The following SCLT1 variants were observed in gnomAD, a reference collection of about 807,000 sequenced individuals.
The protein encoded by SCLT1 is sodium channel and clathrin linker 1, also known as sodium channel-associated protein 1.
Under a neutral mutation model 112.8 loss-of-function variants are expected in SCLT1, and 78 were observed. That is an observed-to-expected ratio of 0.69 (90% CI 0.58 to 0.83). The LOEUF (loss-of-function observed/expected upper bound fraction) is 0.83. SCLT1 is among the 40% of genes least tolerant of loss of function. The pLI is 0.00. For synonymous variants in SCLT1, 257 were observed against 254.7 expected (o/e 1.01, Z -0.09); for missense variants, 747 against 770.4 (o/e 0.97, Z 0.36).
At chr4:128,973,228 C>G (rs988346867) in intron 9 of SCLT1, among the ~76,000 whole-genome samples, 13 of 152,018 alleles carry the variant, frequency 8.6e-5, no homozygotes, top group Non-Finnish European at 1.8e-4. Context: ...ATTAATTGAA[C>G]ACACTGTATT....
At chr4:129,023,158 G>C (rs912891851) in intron 5 of SCLT1, among the ~76,000 whole-genome samples, 1 of 152,134 alleles carries the variant, frequency 6.6e-6, no homozygotes, top group Non-Finnish European at 1.5e-5. Context: ...ACTAAATATG[G>C]AAAGGAAAAA....
intron 9 of SCLT1, among the ~76,000 whole-genome samples, chr4:128,981,953 A>G (rs1741696416): frequency 6.6e-6 from 1 of 152,166 alleles, no homozygotes; most frequent in Non-Finnish European, 1.5e-5. Flanking sequence ...TCACTTTGAT[A>G]ACAGTATGAG....
intron 18 of SCLT1, among the ~76,000 whole-genome samples, chr4:128,899,516 G>A (rs1403510165): frequency 6.6e-6 from 1 of 152,098 alleles, no homozygotes; most frequent in East Asian, 1.9e-4. Context: ...GTATTAATGG[G>A]ACGTATCTCA....
In SCLT1 at chr4:128,901,784, A is replaced by G. The variant is rs560677956; in HGVS notation, c.1830-10647T>C. On this transcript the variant is annotated intron_variant, in intron 18 of 20. Coordinates refer to ENST00000281142, the MANE Select transcript of SCLT1 (RefSeq NM_144643.4). ...TTACACATCAAATCTCTATGATATT[A>G]AATACTTATTTTATGTATAAGAGAT... Among the ~76,000 whole-genome samples, 10 of 152,306 alleles carry G rather than the reference A, an allele frequency of 6.6e-5. No individual in the cohort carries two copies. In the East Asian group the frequency reaches 1.9e-3, roughly 29 times the overall value.
chr4:129,085,466 A>T (rs1012405655), intron 1 of SCLT1, among the ~76,000 whole-genome samples: 5 of 152,280 alleles, frequency 3.3e-5, no homozygotes, highest in South Asian at 4.1e-4. Context: ...GATTCCTCAA[A>T]CACCTAAAGA....
chr4:128,978,554 A>T (rs538349652), intron 9 of SCLT1, among the ~76,000 whole-genome samples: 52 of 152,234 alleles, frequency 3.4e-4, no homozygotes, highest in South Asian at 2.3e-3. Flanking sequence ...TCAGTTAAGG[A>T]AAATCAACAA....
intron 5 of SCLT1, among the ~76,000 whole-genome samples, chr4:129,014,971 T>C (rs1313027562): frequency 1.3e-5 from 2 of 151,322 alleles, no homozygotes; most frequent in African/African-American, 4.9e-5. Flanking sequence ...GGAGGGGCAC[T>C]GGTAGGCACA....
chr4:128,941,828 T>C (rs1579445572), intron 17 of SCLT1, among the ~76,000 whole-genome samples: 1 of 152,110 alleles, frequency 6.6e-6, no homozygotes, highest in Non-Finnish European at 1.5e-5. Context: ...AATTTGCATA[T>C]ATGCTGTGAT....
intron 18 of SCLT1, among the ~76,000 whole-genome samples, chr4:128,932,068 C>A (rs183541765): frequency 1.8e-4 from 27 of 151,704 alleles, no homozygotes; most frequent in Non-Finnish European, 3.2e-4. Context: ...TAATCTTTAG[C>A]ATTTGCCATA....
At chr4:129,028,828 C>T (rs1339291403) in intron 5 of SCLT1, among the ~76,000 whole-genome samples, 2 of 150,854 alleles carry the variant, frequency 1.3e-5, no homozygotes, top group Non-Finnish European at 3.0e-5. Context: ...AACAAATTTA[C>T]AACAAAAAAA....
intron 6 of SCLT1, among the ~76,000 whole-genome samples, chr4:129,000,113 TGAA>T (rs1353148730): frequency 6.6e-6 from 1 of 151,866 alleles, no homozygotes; most frequent in Non-Finnish European, 1.5e-5. Flanking sequence ...TAGAAACTGA[TGAA>T]GAAGAAAACT....
intron 20 of SCLT1, among the ~76,000 whole-genome samples, chr4:128,885,157 G>T (rs1207782630): frequency 6.6e-6 from 1 of 152,082 alleles, no homozygotes; most frequent in African/African-American, 2.4e-5. Context: ...ACAATGCAAG[G>T]CTGATAATAA....
In SCLT1 at chr4:128,916,412, G is replaced by T. The variant is rs910652875; in HGVS notation, c.1829+20243C>A. Among the ~76,000 whole-genome samples, 4 of 152,224 alleles carry T rather than the reference G, an allele frequency of 2.6e-5. 1 individual carries two copies. Among genetic ancestry groups the T allele is most frequent in the Non-Finnish European group, 5.9e-5 (4 of 68,004 alleles). On this transcript the variant is annotated intron_variant, in intron 18 of 20. Transcript: ENST00000281142. ...TCTGAAAACAATGGGAAAATCAAAT[G>T]TAATGAAACCAATAAAGGAGTAGCA...
intron 15 of SCLT1, among the ~76,000 whole-genome samples, 161 bp downstream of exon 15, chr4:128,948,335 C>CAAAAAAAAAAAAAAAAAA (rs11312069): frequency 2.1e-5 from 1 of 47,960 alleles, no homozygotes; most frequent in Admixed American, 2.8e-4. Context: ...GACTCCATTG[C>CAAAAAAAAAAAAAAAAAA]AAAAAAAAAA....
intron 20 of SCLT1, among the ~76,000 whole-genome samples, chr4:128,886,923 A>G (rs1444255019): frequency 2.6e-5 from 4 of 152,226 alleles, no homozygotes; most frequent in African/African-American, 9.6e-5. Flanking sequence ...TTTGCCTTAA[A>G]AAAGGTAAAC....
intron 18 of SCLT1, among the ~76,000 whole-genome samples, chr4:128,891,467 T>G (rs1218279491): frequency 6.6e-6 from 1 of 152,020 alleles, no homozygotes; most frequent in East Asian, 1.9e-4. Flanking sequence ...TTTATGTATA[T>G]TTTGCCAAAC....
At chr4:129,017,211 T>A (rs1745070549) in intron 5 of SCLT1, among the ~76,000 whole-genome samples, 1 of 152,202 alleles carries the variant, frequency 6.6e-6, no homozygotes, top group East Asian at 1.9e-4. Context: ...GGAATTTGTA[T>A]GTGTGTATGT....
intron 2 of SCLT1, among the ~76,000 whole-genome samples, chr4:129,078,478 C>T (rs1751651942): frequency 6.6e-6 from 1 of 151,938 alleles, no homozygotes; most frequent in East Asian, 1.9e-4. Flanking sequence ...AACTTAAAGG[C>T]TGTTGGAATA....
chr4:128,878,871 T>A (rs570446409), intron 3 of SCLT1, among the ~76,000 whole-genome samples: 1 of 152,014 alleles, frequency 6.6e-6, no homozygotes, highest in African/African-American at 2.4e-5. Flanking sequence ...TCCCACTAGA[T>A]ACGAAGATAC....
Sources: allele counts gnomAD v4.1 joint callset (sites outside exome capture counted in the v4.1 genomes callset), GRCh38; gene constraint gnomAD v4.1.1; transcripts MANE v1.5; gene names NCBI Gene and HGNC (gene_info 2026-07-23, HGNC 2026-07-21).